Variants in ACBD6 observed in about 807,000 individuals in gnomAD.
ACBD6 encodes acyl-CoA binding domain containing 6.
In ACBD6, 28 loss-of-function variants were observed where a neutral mutation model predicts 37.2. The ratio of observed to expected loss-of-function variants is 0.75; its 90% CI spans 0.56 to 1.03. The LOEUF (loss-of-function observed/expected upper bound fraction) is 1.03, where lower values mean the gene tolerates loss of function less well. ACBD6 is among the 50% of genes least tolerant of loss of function. The pLI is 0.00. For missense variants in ACBD6, 340 were observed against 337.4 expected, an observed-to-expected ratio of 1.01 and a Z score of -0.06; for synonymous variants, 113 against 126.8, an observed-to-expected ratio of 0.89 and a Z score of 0.73.
intron 3 of ACBD6, among the ~76,000 whole-genome samples, chr1:180,444,841 C>T (rs1649418654): frequency 6.6e-6 from 1 of 152,182 alleles, no homozygotes; most frequent in Non-Finnish European, 1.5e-5. Flanking sequence ...AAGTTGTTGG[C>T]TAAATCTTTA....
intron 7 of ACBD6, among the ~76,000 whole-genome samples, chr1:180,293,487 T>C (rs1383369252): frequency 6.6e-6 from 1 of 152,104 alleles, no homozygotes; most frequent in African/African-American, 2.4e-5. Context: ...TTTGTATTTT[T>C]AGTAGAGACG....
chr1:180,453,913 C>T (rs1452667782), intron 3 of ACBD6, among the ~76,000 whole-genome samples: 1 of 152,164 alleles, frequency 6.6e-6, no homozygotes, highest in African/African-American at 2.4e-5. Flanking sequence ...AATGGAAAAA[C>T]ATTCCATGCA....
chr1:180,362,760 T>C (rs1652896330), intron 6 of ACBD6, among the ~76,000 whole-genome samples: 1 of 152,084 alleles, frequency 6.6e-6, no homozygotes, highest in Admixed American at 6.6e-5. Context: ...ATACTACTAA[T>C]TTTAAAAAGA....
At chr1:180,497,751 C>T (rs888950331) in intron 1 of ACBD6, among the ~76,000 whole-genome samples, 14 of 152,008 alleles carry the variant, frequency 9.2e-5, no homozygotes, top group African/African-American at 3.4e-4. Context: ...AAGCCAGTTG[C>T]ATTTGCATAT....
intron 5 of ACBD6, among the ~76,000 whole-genome samples, chr1:180,407,766 G>A (rs1647683873): frequency 6.6e-6 from 1 of 152,170 alleles, no homozygotes; most frequent in South Asian, 2.1e-4. Flanking sequence ...CTGCCTTAGA[G>A]AACTGTTGTA....
intron 6 of ACBD6, among the ~76,000 whole-genome samples, chr1:180,328,230 CACACATATATGTATATAT>C (rs763167624): frequency 0.011 from 1,701 of 151,864 alleles, 26 homozygotes; most frequent in African/African-American, 0.038. Flanking sequence ...TACATATATA[CACACATATATGTATATAT>C]ACATATATAT....
At chr1:180,398,144 C>CCCAATGCCTGCTTTCAGCTCAGA (rs1214994715) in intron 5 of ACBD6, among the ~76,000 whole-genome samples, 1 of 152,118 alleles carries the variant, frequency 6.6e-6, no homozygotes, top group Non-Finnish European at 1.5e-5. Flanking sequence ...TCTGTACTAG[C>CCCAATGCCTGCTTTCAGCTCAGA]CCAATGCCTG....
At chr1:180,486,313 A>G (rs1288561432) in intron 3 of ACBD6, among the ~76,000 whole-genome samples, 3 of 152,244 alleles carry the variant, frequency 2.0e-5, no homozygotes, top group Non-Finnish European at 4.4e-5. Context: ...CAAAAAAATC[A>G]ATGTGAGGGA....
chr1:180,309,535 C>G (rs575223170), intron 7 of ACBD6, among the ~76,000 whole-genome samples: 16 of 152,094 alleles, frequency 1.1e-4, no homozygotes, highest in Admixed American at 9.8e-4. Context: ...CACTGAAAAA[C>G]ACCTGAATGA....
At chr1:180,282,339 T>G (rs1649338105) in intron 8 of ACBD6, among the ~76,000 whole-genome samples, 1 of 151,954 alleles carries the variant, frequency 6.6e-6, no homozygotes, top group Non-Finnish European at 1.5e-5. Flanking sequence ...TTCTGAAAGA[T>G]AAAATATAGA....
chr1:180,296,001 G>A (rs925671152), intron 7 of ACBD6, among the ~76,000 whole-genome samples: 3 of 152,164 alleles, frequency 2.0e-5, no homozygotes, highest in Non-Finnish European at 4.4e-5. Flanking sequence ...TAGGACAAAA[G>A]CTAGGCTTTT....
intron 3 of ACBD6, chr1:180,435,814 C>A: frequency 3.1e-6 from 3 of 977,756 alleles, no homozygotes; most frequent in Non-Finnish European, 3.3e-6. Context: ...ATAACTCCAG[C>A]CTGATGGGTT....
intron 6 of ACBD6, among the ~76,000 whole-genome samples, chr1:180,324,900 T>C (rs1651199840): frequency 6.6e-6 from 1 of 152,174 alleles, no homozygotes; most frequent in Non-Finnish European, 1.5e-5. Flanking sequence ...TTGTTTTTCC[T>C]TTAGCACTTT....
intron 7 of ACBD6, among the ~76,000 whole-genome samples, chr1:180,292,543 T>C (rs1383824757): frequency 6.6e-6 from 1 of 152,076 alleles, no homozygotes; most frequent in East Asian, 1.9e-4. Flanking sequence ...ATTACTAGTA[T>C]ATAGGAATAC....
At chr1:180,300,656 T>C (rs190829521) in intron 7 of ACBD6, among the ~76,000 whole-genome samples, 1 of 152,284 alleles carries the variant, frequency 6.6e-6, no homozygotes, top group East Asian at 1.9e-4. Context: ...GTTCTTTCCA[T>C]GATGATTAAT....
At chr1:180,440,763 T>A (rs544070720) in intron 3 of ACBD6, among the ~76,000 whole-genome samples, 1 of 152,346 alleles carries the variant, frequency 6.6e-6, no homozygotes, top group South Asian at 2.1e-4. Context: ...CTCTATGGAT[T>A]TAACCATTCT....
In ACBD6 at chr1:180,451,106, G is replaced by A. The variant is rs181464515; in HGVS notation, c.385-20844C>T. ...CAAGCTTACAACAAGAAAGGGAAATGTAACTTAAAAAAGATATACAAATGG... is the reference window on the plus strand; with the variant it reads ...CAAGCTTACAACAAGAAAGGGAAATATAACTTAAAAAAGATATACAAATGG... On this transcript the variant is annotated intron_variant, in intron 3 of 7. Coordinates refer to ENST00000367595, the MANE Select transcript of ACBD6 (RefSeq NM_032360.4). Among the ~76,000 whole-genome samples, 92 of 152,280 alleles carry A rather than the reference G, an allele frequency of 6.0e-4. 1 individual carries two copies. The highest frequency in any genetic ancestry group is 2.2e-3 in the Admixed American group (33 of 15,290).
chr1:180,333,494 T>G (rs987323772), intron 6 of ACBD6, among the ~76,000 whole-genome samples: 21 of 152,104 alleles, frequency 1.4e-4, no homozygotes, highest in Non-Finnish European at 2.6e-4. Context: ...ACTGAGTGAA[T>G]AAATGATTCA....
chr1:180,293,555 G>A (rs1649799527), intron 7 of ACBD6, among the ~76,000 whole-genome samples: 1 of 151,988 alleles, frequency 6.6e-6, no homozygotes, highest in South Asian at 2.1e-4. Flanking sequence ...TGATCTGGCT[G>A]CCTCACCTCT....
Sources: allele counts gnomAD v4.1 joint callset (sites outside exome capture counted in the v4.1 genomes callset), GRCh38; gene constraint gnomAD v4.1.1; transcripts MANE v1.5; gene names NCBI Gene and HGNC (gene_info 2026-07-23, HGNC 2026-07-21).